Variants in GJB6 observed in about 807,000 individuals in gnomAD.
GJB6 encodes gap junction beta-6 protein.
In GJB6, 5 loss-of-function variants were observed where a neutral mutation model predicts 5.4. The ratio of observed to expected loss-of-function variants is 0.92; its 90% CI spans 0.48 to 1.93. GJB6 has a LOEUF of 1.93. GJB6 is among the 30% of genes most tolerant of loss of function. The pLI is 0.01. For missense variants in GJB6, 298 were observed against 326.9 expected, an observed-to-expected ratio of 0.91 and a Z score of 0.68; for synonymous variants, 136 against 129.6, an observed-to-expected ratio of 1.05 and a Z score of -0.34.
intron 4 of GJB6, among the ~76,000 whole-genome samples, chr13:20,224,584 A>G (rs1869448258): frequency 6.6e-6 from 1 of 152,198 alleles, no homozygotes; most frequent in African/African-American, 2.4e-5. Flanking sequence ...TAATGCACTG[A>G]TTCTCTATCC....
Position 20,222,972 on chromosome 13 carries a change from C to A in GJB6, c.509G>T (p.Gly170Val). ...GYHLPWVLKC[G>V]IDPCPNLVDC... ...AACAAGGTTGGGGCAGGGGTCAATC[C>A]CACATTTCAACACCCAGGGCAGGTG... is the stretch of plus-strand genomic sequence containing the variant. The change falls in exon 5 of 5, where the codon GGG becomes GTG. Residue 170 changes from glycine to valine, a missense_variant. By Grantham distance (109) the Gly-to-Val change is moderately radical. Transcript: ENST00000647029. The A allele has an allele frequency of 6.2e-7, 1 of 1,614,108 alleles. No homozygotes were observed. Among genetic ancestry groups the A allele is most frequent in the Admixed American group, 1.7e-5 (1 of 60,012 alleles).
intron 4 of GJB6, 53 bp from the exon 5 acceptor site, chr13:20,223,548 G>T (rs1869377391): frequency 7.2e-7 from 1 of 1,380,620 alleles, no homozygotes; most frequent in Non-Finnish European, 1.0e-6. Context: ...CCTTGGGAAA[G>T]TGACACGGTG....
chr13:20,229,797 C>CG (rs1869954241), intron 3 of GJB6, 48 bp from the exon 4 acceptor site: 1 of 91,042 alleles, frequency 1.1e-5, no homozygotes, highest in African/African-American at 3.5e-5. Flanking sequence ...TTAACTCCCC[C>CG]CCCCCCCGCC....
chr13:20,228,618 G>A (rs537655257), intron 4 of GJB6, among the ~76,000 whole-genome samples: 5 of 151,298 alleles, frequency 3.3e-5, no homozygotes, highest in Admixed American at 2.6e-4. Context: ...CTGAGCAGCT[G>A]GGACTACAGG....
At chr13:20,228,605 T>TGC (rs1869785605) in intron 4 of GJB6, among the ~76,000 whole-genome samples, 1 of 148,208 alleles carries the variant, frequency 6.7e-6, no homozygotes, top group Non-Finnish European at 1.5e-5. Context: ...CGCCTCAGCC[T>TGC]CTCTGAGCAG....
chr13:20,229,137 A>AT (rs1566542659), intron 4 of GJB6, among the ~76,000 whole-genome samples: 2 of 143,714 alleles, frequency 1.4e-5, no homozygotes, highest in African/African-American at 5.2e-5. Flanking sequence ...AAAAAAAAAA[A>AT]AAAAAAAAAA....
Position 20,223,232 on chromosome 13 carries a change from G to A in GJB6, c.249C>T (p.Phe83=), listed in dbSNP as rs746502567. 1.5e-5 allele frequency: 24 copies of A among 1,610,276 alleles called. No homozygotes were observed. Among genetic ancestry groups the A allele is most frequent in the Non-Finnish European group, 2.0e-5 (23 of 1,176,926 alleles). The change falls in exon 5 of 5, where the codon TTC becomes TTT. Residue 83 remains phenylalanine, a synonymous_variant. Transcript: ENST00000647029. ...CCACCAGCAGCGCTGGGGTGGAGAC[G>A]AAGATCAGCTGGAGGGCCCACAGCC... ...HIRLWALQLI[F]VSTPALLVAM...
chr13:20,227,288 G>A (rs532596533), intron 4 of GJB6, among the ~76,000 whole-genome samples: 21 of 152,208 alleles, frequency 1.4e-4, no homozygotes, highest in African/African-American at 4.6e-4. Context: ...CGCGCTTCTC[G>A]ATACCGGTAC....
chr13:20,227,257 A>G (rs1269100152), intron 4 of GJB6, among the ~76,000 whole-genome samples: 1 of 152,160 alleles, frequency 6.6e-6, no homozygotes, highest in Non-Finnish European at 1.5e-5. Flanking sequence ...AACTGAACAG[A>G]ATATAATCTG....
chr13:20,222,895 T>C lies in GJB6; in HGVS notation c.586A>G (p.Ile196Val). 6.2e-7 allele frequency: 1 copy of C among 1,614,042 alleles called. No homozygotes were observed. Among genetic ancestry groups the C allele is most frequent in the Non-Finnish European group, 8.5e-7 (1 of 1,179,988 alleles). ...TEKTVFTIFM[I>V]SASVICMLLN... ...AGCATGCAAATCACAGACGCAGAAA[T>C]CATAAAAATGGTAAACACGGTCTTC... is the stretch of plus-strand genomic sequence containing the variant. The change falls in exon 5 of 5, where the codon ATT becomes GTT. Residue 196 changes from isoleucine to valine, a missense_variant. By Grantham distance (29) the Ile-to-Val change is conservative. Coordinates refer to ENST00000647029, the MANE Select transcript of GJB6 (RefSeq NM_001110219.3).
At chr13:20,231,096 AGCAGTTCTGAGCAGCACCCT>A (rs1870052783) in intron 2 of GJB6, 2 of 152,206 alleles carry the variant, frequency 1.3e-5, no homozygotes, top group African/African-American at 4.8e-5. Flanking sequence ...TCTCCACAGG[AGCAGTTCTGAGCAGCACCCT>A]GCAATTCTAA....
chr13:20,228,473 G>GT (rs200751103), intron 4 of GJB6, among the ~76,000 whole-genome samples: 31,435 of 149,668 alleles, frequency 0.21, 3,573 homozygotes, highest in Non-Finnish European at 0.25. Context: ...GTTTGTTTTT[G>GT]TTTTTTGTTT....
intron 4 of GJB6, chr13:20,225,687 A>G (rs1164660946): frequency 1.3e-5 from 2 of 152,166 alleles, no homozygotes; most frequent in African/African-American, 2.4e-5. Flanking sequence ...GAGAAAACGT[A>G]TATGTGTGAA....
intron 4 of GJB6, among the ~76,000 whole-genome samples, chr13:20,224,817 G>A (rs182063498): frequency 1.5e-3 from 227 of 152,290 alleles, no homozygotes; most frequent in Non-Finnish European, 2.6e-3. Flanking sequence ...CGGGGCATGA[G>A]GGAGTCACCA....
intron 4 of GJB6, among the ~76,000 whole-genome samples, chr13:20,227,141 T>A (rs956857817): frequency 1.6e-4 from 25 of 152,130 alleles, no homozygotes; most frequent in Admixed American, 2.0e-4. Flanking sequence ...CTGTTTTTTT[T>A]TTCTAAAAAC....
At chr13:20,228,580 T>A (rs1281530483) in intron 4 of GJB6, among the ~76,000 whole-genome samples, 1 of 150,496 alleles carries the variant, frequency 6.6e-6, no homozygotes. Flanking sequence ...GCCTCCCGGG[T>A]TCACGCCGTT....
In GJB6 at chr13:20,223,195, C is replaced by A. The variant is rs1420434255; in HGVS notation, c.286G>T (p.Ala96Ser). ...CGAGTGGTTTCGTGCCTGTAGTAGGCCACATGCATGGCCACCAGCAGCGCT... is the reference window on the plus strand; with the variant it reads ...CGAGTGGTTTCGTGCCTGTAGTAGGACACATGCATGGCCACCAGCAGCGCT... ...TPALLVAMHV[A>S]YYRHETTRKF... Residue 96 changes from alanine (A) to serine (S), a missense_variant, in exon 5 of 5, where the codon GCC (alanine) becomes TCC (serine). Physicochemically the swap from Ala to Ser is moderately conservative, Grantham distance 99 (BLOSUM62 1). Transcript: ENST00000647029. The A allele has an allele frequency of 6.2e-7, 1 of 1,611,502 alleles. No homozygotes were observed. Among genetic ancestry groups the A allele is most frequent in the Non-Finnish European group, 8.5e-7 (1 of 1,178,126 alleles).
At chr13:20,229,123 CAAAAAAAAA>C (rs5802041) in intron 4 of GJB6, among the ~76,000 whole-genome samples, 5 of 43,872 alleles carry the variant, frequency 1.1e-4, no homozygotes, top group African/African-American at 4.9e-4. Flanking sequence ...TGTCATTTAG[CAAAAAAAAA>C]AAAAAAAAAA....
At chr13:20,229,290 A>G (rs1163472260) in intron 4 of GJB6, among the ~76,000 whole-genome samples, 2 of 145,200 alleles carry the variant, frequency 1.4e-5, no homozygotes, top group African/African-American at 2.6e-5. Context: ...CTGGGACTAC[A>G]GGCATATGCC....
Sources: allele counts gnomAD v4.1 joint callset (sites outside exome capture counted in the v4.1 genomes callset), GRCh38; gene constraint gnomAD v4.1.1; transcripts MANE v1.5; gene names NCBI Gene and HGNC (gene_info 2026-07-23, HGNC 2026-07-21).